Variants in CTNNA3 observed in about 807,000 individuals in gnomAD.
The protein encoded by CTNNA3 is catenin alpha-3.
In CTNNA3, 76 loss-of-function variants were observed where a neutral mutation model predicts 95.7. The ratio of observed to expected loss-of-function variants is 0.79; its 90% CI spans 0.66 to 0.96. The LOEUF is 0.96. Ranked by LOEUF, CTNNA3 falls within the 40% of genes least tolerant of loss-of-function variation. CTNNA3 has a pLI of 0.00. For missense variants in CTNNA3, 1,191 were observed against 1,089.8 expected (o/e 1.09, Z -1.31); for synonymous variants, 431 against 374.4 (o/e 1.15, Z -1.74).
In CTNNA3 at chr10:66,735,274, T is replaced by C. The variant is rs558726899; in HGVS notation, c.1281+30990A>G. On this transcript the variant is annotated intron_variant, in intron 9 of 17. Transcript: ENST00000433211. ...ATCAATTGGTAGCTTTCCATACTTT[T>C]GCATGTCTTACAACAAATTCTATAG... Among the ~76,000 whole-genome samples the C allele has an allele frequency of 2.6e-5, 4 of 152,014 alleles. No homozygotes were observed. In the East Asian group the frequency reaches 7.7e-4, roughly 29 times the overall value.
intron 7 of CTNNA3, among the ~76,000 whole-genome samples, chr10:66,804,935 G>T (rs1350563933): frequency 6.6e-6 from 1 of 152,044 alleles, no homozygotes. Flanking sequence ...GATAAGAGTA[G>T]TTCACAGTGC....
chr10:66,590,235 G>A (rs1282446341), intron 10 of CTNNA3, among the ~76,000 whole-genome samples: 3 of 151,988 alleles, frequency 2.0e-5, no homozygotes, highest in Admixed American at 6.6e-5. Context: ...ACAAAGGAGG[G>A]ACTGAAGAAT....
intron 14 of CTNNA3, among the ~76,000 whole-genome samples, chr10:66,086,016 A>G (rs544988146): frequency 2.6e-5 from 4 of 152,158 alleles, no homozygotes; most frequent in Non-Finnish European, 5.9e-5. Context: ...AGCTAAATCC[A>G]TCTGGTCAGA....
intron 5 of CTNNA3, among the ~76,000 whole-genome samples, chr10:67,238,698 A>T (rs1333258585): frequency 1.3e-5 from 2 of 151,644 alleles, no homozygotes; most frequent in African/African-American, 4.8e-5. Flanking sequence ...TCATGAACGA[A>T]CTTGATAACT....
chr10:67,619,817 T>A (rs1182770785), intron 2 of CTNNA3, among the ~76,000 whole-genome samples: 1 of 152,128 alleles, frequency 6.6e-6, no homozygotes, highest in Non-Finnish European at 1.5e-5. Flanking sequence ...AAGAAAATTG[T>A]TTTATGAGCT....
intron 7 of CTNNA3, among the ~76,000 whole-genome samples, chr10:66,912,982 G>A (rs1003021185): frequency 2.0e-5 from 3 of 151,994 alleles, no homozygotes; most frequent in Non-Finnish European, 1.5e-5. Context: ...GCTCATGCCT[G>A]TAATCCCAGC....
intron 12 of CTNNA3, among the ~76,000 whole-genome samples, chr10:66,326,262 T>A (rs1056367519): frequency 6.6e-6 from 1 of 152,116 alleles, no homozygotes; most frequent in Non-Finnish European, 1.5e-5. Flanking sequence ...TTGATCTACA[T>A]GTTACGCTTC....
At chr10:66,889,874 C>T (rs1031508355) in intron 7 of CTNNA3, among the ~76,000 whole-genome samples, 1 of 151,358 alleles carries the variant, frequency 6.6e-6, no homozygotes, top group Non-Finnish European at 1.5e-5. Context: ...CACTGCAGCC[C>T]CTGCCTCCGG....
intron 15 of CTNNA3, among the ~76,000 whole-genome samples, chr10:66,004,375 G>A (rs2078836572): frequency 6.6e-6 from 1 of 152,108 alleles, no homozygotes; most frequent in Non-Finnish European, 1.5e-5. Context: ...AATCTGGCAT[G>A]TATCTTTTTC....
At position 67,202,194 on chromosome 10, in the gene CTNNA3, G is replaced by A. The variant is rs193095220; in HGVS notation, c.843+17413C>T. Among the ~76,000 whole-genome samples, 67 of 151,256 alleles carry A rather than the reference G, an allele frequency of 4.4e-4. 1 individual carries two copies. Among genetic ancestry groups the A allele is most frequent in the African/African-American group, 1.4e-3 (59 of 41,514 alleles). On this transcript the variant is annotated intron_variant, in intron 6 of 17. Coordinates refer to ENST00000433211, the MANE Select transcript of CTNNA3 (RefSeq NM_013266.4). ...ATTCAGTTTCAAAAAATAATTGCCC[G>A]ATACCCTTCTTGCCTTTCCAAATCT... is the stretch of plus-strand genomic sequence containing the variant.
rs190256217 is a variant in CTNNA3, at chr10:66,329,199, C to A, written c.1733-48578G>T. Among the ~76,000 whole-genome samples, 276 of 151,864 alleles carry A rather than the reference C, an allele frequency of 1.8e-3. 6 individuals are homozygous for A. Among genetic ancestry groups the A allele is most frequent in the Admixed American group, 0.018 (276 of 15,256 alleles). ...CCCCTGACCTCAGGTGATACACCCACCTCAGCCTCCTAAAGTGCTGGGATT... is the reference window on the plus strand; with the variant it reads ...CCCCTGACCTCAGGTGATACACCCAACTCAGCCTCCTAAAGTGCTGGGATT... On this transcript the variant is annotated intron_variant, in intron 12 of 17. Coordinates refer to ENST00000433211, the MANE Select transcript of CTNNA3 (RefSeq NM_013266.4).
At chr10:66,681,332 G>A (rs974254890) in intron 9 of CTNNA3, among the ~76,000 whole-genome samples, 2 of 152,220 alleles carry the variant, frequency 1.3e-5, no homozygotes, top group South Asian at 4.1e-4. Context: ...TTGGTCCTAA[G>A]TTTGGCAGCT....
chr10:66,029,954 CT>C (rs1209182410), intron 15 of CTNNA3, among the ~76,000 whole-genome samples: 3 of 152,054 alleles, frequency 2.0e-5, no homozygotes, highest in African/African-American at 7.2e-5. Flanking sequence ...GTATTACAGA[CT>C]TTTCAAATTA....
intron 7 of CTNNA3, among the ~76,000 whole-genome samples, chr10:67,065,084 G>A (rs1855994549): frequency 6.6e-6 from 1 of 152,098 alleles, no homozygotes; most frequent in Non-Finnish European, 1.5e-5. Flanking sequence ...CCCGAAAACA[G>A]AGCAATGCCC....
intron 7 of CTNNA3, among the ~76,000 whole-genome samples, chr10:67,146,883 T>A (rs747844221): frequency 1.4e-4 from 22 of 152,210 alleles, no homozygotes; most frequent in South Asian, 4.1e-4. Flanking sequence ...ATATAAACAG[T>A]TAACATTATG....
intron 11 of CTNNA3, among the ~76,000 whole-genome samples, chr10:66,460,056 T>A (rs2093518592): frequency 6.6e-6 from 1 of 152,206 alleles, no homozygotes; most frequent in Non-Finnish European, 1.5e-5. Flanking sequence ...TTTCTAGAAT[T>A]ATCCAAAATG....
At chr10:67,227,418 A>T (rs1864977563) in intron 5 of CTNNA3, among the ~76,000 whole-genome samples, 1 of 152,168 alleles carries the variant, frequency 6.6e-6, no homozygotes, top group Non-Finnish European at 1.5e-5. Flanking sequence ...TATATCAGAC[A>T]AAACAAACTT....
rs144076838 is a variant in CTNNA3, at chr10:65,972,313, C to T, written c.2266-5567G>A. ...GCCCACTCTCACCTCTCTTATTCAA[C>T]ATAGTACTGAAAGTCCCAGCCACAG... is the stretch of plus-strand genomic sequence containing the variant. On this transcript the variant is annotated intron_variant, in intron 16 of 17. Transcript: ENST00000433211. 1.3e-3 allele frequency among the ~76,000 whole-genome samples: 204 copies of T among 152,184 alleles called. 1 individual carries two copies. Among genetic ancestry groups the T allele is most frequent in the Admixed American group, 6.9e-3 (106 of 15,274 alleles).
chr10:67,025,023 G>A (rs760459137), intron 7 of CTNNA3, among the ~76,000 whole-genome samples: 2 of 151,562 alleles, frequency 1.3e-5, no homozygotes, highest in Admixed American at 6.6e-5. Flanking sequence ...TCAGCTACTC[G>A]GGAGGCTGAG....
Sources: allele counts gnomAD v4.1 joint callset (sites outside exome capture counted in the v4.1 genomes callset), GRCh38; gene constraint gnomAD v4.1.1; transcripts MANE v1.5; gene names NCBI Gene and HGNC (gene_info 2026-07-23, HGNC 2026-07-21).